The following IKZF4 variants were observed in gnomAD, a reference collection of about 807,000 sequenced individuals.
The protein encoded by IKZF4 is zinc finger protein Eos.
In IKZF4, 11 loss-of-function variants were observed where a neutral mutation model predicts 47.7. The ratio of observed to expected loss-of-function variants is 0.23; its 90% CI spans 0.15 to 0.38. The LOEUF (loss-of-function observed/expected upper bound fraction) is 0.38. IKZF4 is among the 10% of genes least tolerant of loss of function. The probability of loss-of-function intolerance (pLI) is 1.00; values close to 1 mark genes in which losing one functional copy is unlikely to be tolerated. For missense variants in IKZF4, 557 were observed against 784.9 expected (o/e 0.71, Z 3.47); for synonymous variants, 298 against 299.4 (o/e 1.00, Z 0.05).
At chr12:56,032,762 G>T in intron 6 of IKZF4, 52 bp downstream of exon 6, 1 of 1,598,274 alleles carries the variant, frequency 6.3e-7, no homozygotes, top group African/African-American at 1.3e-5. Context: ...GTGAGAGGGA[G>T]TGCTAGACAA....
intron 3 of IKZF4, among the ~76,000 whole-genome samples, chr12:56,025,758 G>T (rs1031337930): frequency 6.6e-6 from 1 of 152,040 alleles, no homozygotes; most frequent in Non-Finnish European, 1.5e-5. Flanking sequence ...TTCCAGGTTT[G>T]CTCTCTTTGG....
intron 5 of IKZF4, among the ~76,000 whole-genome samples, chr12:56,031,892 T>A (rs1894966313): frequency 6.6e-6 from 1 of 152,254 alleles, no homozygotes; most frequent in Admixed American, 6.5e-5. Context: ...TCTTTTTCTC[T>A]TTTCAGAATT....
intron 3 of IKZF4, among the ~76,000 whole-genome samples, chr12:56,025,404 T>C (rs1893797813): frequency 6.6e-6 from 1 of 152,088 alleles, no homozygotes. Context: ...GGTAAAAGTT[T>C]CAAAGAGAAA....
intron 2 of IKZF4, among the ~76,000 whole-genome samples, chr12:56,012,116 G>C (rs1009924751): frequency 1.6e-4 from 25 of 152,066 alleles, no homozygotes; most frequent in African/African-American, 6.0e-4. Flanking sequence ...AGGGAAAGTG[G>C]AGAAAATTTT....
intron 2 of IKZF4, chr12:56,011,673 T>C (rs1446527846): frequency 6.6e-6 from 1 of 152,260 alleles, no homozygotes; most frequent in Non-Finnish European, 1.5e-5. Context: ...GGTCACCATC[T>C]ACAGCCTGGT....
intron 2 of IKZF4, chr12:56,024,813 G>C: frequency 7.3e-7 from 1 of 1,360,706 alleles, no homozygotes; most frequent in Non-Finnish European, 9.5e-7. Flanking sequence ...TGATGCTCTT[G>C]CCCTCAGGCC....
In IKZF4 at chr12:56,021,233, C is replaced by T. The variant is rs75716097; in HGVS notation, c.-261C>T. The T allele has an allele frequency of 3.4e-6, 5 of 1,452,372 alleles. No individual in the cohort carries two copies. Among genetic ancestry groups the T allele is most frequent in the Admixed American group, 2.4e-5 (1 of 41,802 alleles). The allele number at this position is 1,452,372 out of a possible 1,614,324, so 90.0% of individuals were successfully genotyped here. A position where few individuals can be genotyped will look rare whatever the true frequency, so the allele number is the denominator to read the frequency against. On this transcript the variant is annotated 5_prime_UTR_variant, in exon 1 of 8. Transcript: ENST00000547167. ...ACATATACATTCTCTCCAGCCCCCT[C>T]CCCAAGCACATCCAAGCGTGCTCTC...
chr12:56,026,815 G>A lies in IKZF4; in HGVS notation c.321G>A (p.Glu107=). 1.9e-6 allele frequency: 3 copies of A among 1,605,742 alleles called. No homozygotes were observed. Among genetic ancestry groups the A allele is most frequent in the Non-Finnish European group, 2.6e-6 (3 of 1,175,746 alleles). ...TCAAGGTGGAGATGTACAGCGATGA[G>A]GAGTCAAGCAGACTGCTGGGGCCAG... ...NSIKVEMYSD[E]ESSRLLGPDE... is the part of the protein sequence containing the mutation. Residue 107 remains glutamate, a synonymous_variant, in exon 4 of 8, where the codon GAG becomes GAA. Transcript: ENST00000547167.
chr12:56,016,618 C>T (rs759656570), upstream of IKZF4, among the ~76,000 whole-genome samples: 2 of 150,250 alleles, frequency 1.3e-5, no homozygotes, highest in South Asian at 2.1e-4. Context: ...TTTTAAGAGA[C>T]GGAGTTTCGC....
intron 1 of IKZF4, 141 bp downstream of exon 1, chr12:56,021,721 T>TGTGC (rs1893034347): frequency 8.2e-7 from 1 of 1,213,136 alleles, no homozygotes; most frequent in Admixed American, 2.4e-5. Flanking sequence ...TGTGTGTGTG[T>TGTGC]GTGTGTGTGT....
chr12:56,022,801 T>C (rs1049846040), intron 1 of IKZF4, among the ~76,000 whole-genome samples: 7 of 146,924 alleles, frequency 4.8e-5, no homozygotes, highest in African/African-American at 5.0e-5. Flanking sequence ...GTGTTTCTTT[T>C]TTTTTTTTTT....
chr12:56,033,673 C>G (rs904099207), intron 7 of IKZF4, among the ~76,000 whole-genome samples: 2 of 151,938 alleles, frequency 1.3e-5, no homozygotes, highest in Admixed American at 1.3e-4. Flanking sequence ...CGCCACTGCA[C>G]TCCATCCATC....
In IKZF4 at chr12:56,024,826, G is replaced by A. The variant is rs1893674390; in HGVS notation, c.182-228G>A. 5 of 1,398,986 alleles carry A rather than the reference G, an allele frequency of 3.6e-6. No homozygotes were observed. The African/African-American group carries it at 5.8e-5, about 16-fold the overall frequency. 86.7% of individuals were successfully genotyped at this position (1,398,986 alleles called of 1,614,324 possible). ...AGTGATGCTCTTGCCCTCAGGCCTA[G>A]ATAAAGGTAGGGTAGGCAAGGCCCA... On this transcript the variant is annotated intron_variant, in intron 2 of 7. Coordinates refer to ENST00000547167, the MANE Select transcript of IKZF4 (RefSeq NM_022465.4).
upstream of IKZF4, among the ~76,000 whole-genome samples, chr12:56,016,935 G>T (rs1296539368): frequency 6.6e-6 from 1 of 151,894 alleles, no homozygotes; most frequent in African/African-American, 2.4e-5. Flanking sequence ...TCACCATGTT[G>T]GCCAGGCTGG....
intron 1 of IKZF4, among the ~76,000 whole-genome samples, chr12:56,023,339 C>G (rs954025111): frequency 6.6e-6 from 1 of 152,164 alleles, no homozygotes; most frequent in Non-Finnish European, 1.5e-5. Flanking sequence ...ATTTTCAGCC[C>G]TTTTAACCCT....
intron 1 of IKZF4, among the ~76,000 whole-genome samples, chr12:56,023,196 G>A (rs189418526): frequency 6.6e-6 from 1 of 152,362 alleles, no homozygotes; most frequent in East Asian, 1.9e-4. Context: ...GCTGGGACCA[G>A]TGATGGATTT....
chr12:56,021,032 C>G, upstream of IKZF4: 2 of 1,037,680 alleles, frequency 1.9e-6, no homozygotes, highest in Non-Finnish European at 2.3e-6. Context: ...CTCTCTCTCT[C>G]TCTCTTGCAC....
chr12:56,024,040 C>T (rs960021218), intron 2 of IKZF4: 1 of 610,980 alleles, frequency 1.6e-6, no homozygotes, highest in East Asian at 1.4e-4. Flanking sequence ...TTTATTTCAC[C>T]TATATATTTG....
chr12:56,021,183 G>T lies in IKZF4; in HGVS notation c.-311G>T. On this transcript the variant is annotated 5_prime_UTR_variant, in exon 1 of 8. The change abolishes the stop of an existing upstream ORF in the 5' untranslated region. Transcript: ENST00000547167. The stretch of plus-strand genomic sequence containing the variant: ...ACTGTCTTGGAAAAGGGATGCTGTA[G>T]CCTAGCATCTCCCCCACTATATACA... 1 of 1,378,152 alleles carries T rather than the reference G, an allele frequency of 7.3e-7. No individual in the cohort carries two copies. 85.4% of individuals were successfully genotyped at this position (1,378,152 alleles called of 1,614,324 possible).
Sources: gnomAD v4.1 joint callset for allele counts (sites outside exome capture counted in the v4.1 genomes callset) on GRCh38, gnomAD v4.1.1 for gene constraint, MANE v1.5 for transcripts, NCBI Gene and HGNC (gene_info 2026-07-23, HGNC 2026-07-21) for gene names.